Variants in TRIM77 observed in about 807,000 individuals in gnomAD.
TRIM77 encodes tripartite motif-containing protein 77.
TRIM77 carries 23 observed loss-of-function variants against 31.8 expected under a neutral mutation model. That is an observed-to-expected ratio of 0.72 (90% CI 0.52 to 1.02). The LOEUF (loss-of-function observed/expected upper bound fraction) is 1.02, where lower values mean the gene tolerates loss of function less well. Ranked by LOEUF, TRIM77 falls within the 50% of genes least tolerant of loss-of-function variation. The pLI, the probability that TRIM77 is intolerant of heterozygous loss-of-function variation, is 0.00. For missense variants in TRIM77, 446 were observed against 539.2 expected, an observed-to-expected ratio of 0.83 and a Z score of 1.71; for synonymous variants, 159 against 183.1, an observed-to-expected ratio of 0.87 and a Z score of 1.06.
In TRIM77 at chr11:89,714,314, G is replaced by T; in HGVS notation, c.630G>T (p.Gln210His). The change falls in exon 3 of 6, where the codon CAG (glutamine) becomes CAT (histidine). Residue 210 changes from glutamine to histidine, a missense_variant. This residue lies in a region of TRIM77 where 366 missense variants were observed against 447.9 expected (regional missense o/e 0.82). Coordinates refer to ENST00000398290, the MANE Select transcript of TRIM77 (RefSeq NM_001146162.1). ...SLAREGRIIF[Q>H]QLKRSQTRMA... ...CAAGAGAAGGCAGGATAATTTTTCA[G>T]CAACTCAAGAGAAGTCAAACTAGAA... 6.4e-7 allele frequency: 1 copy of T among 1,551,690 alleles called. No homozygotes were observed. Among genetic ancestry groups the T allele is most frequent in the Non-Finnish European group, 8.7e-7 (1 of 1,146,978 alleles).
chr11:89,717,111 C>T (rs930867989), intron 5 of TRIM77, among the ~76,000 whole-genome samples: 10 of 152,152 alleles, frequency 6.6e-5, no homozygotes, highest in Admixed American at 2.6e-4. Flanking sequence ...GTATGCCACT[C>T]GTGATAGAGT....
intron 4 of TRIM77, among the ~76,000 whole-genome samples, chr11:89,715,617 T>G (rs1447234043): frequency 6.6e-6 from 1 of 152,144 alleles, no homozygotes; most frequent in Non-Finnish European, 1.5e-5. Flanking sequence ...ATTTCAGAAA[T>G]TAAATGAGTA....
At chr11:89,717,000 A>G (rs10830357) in intron 5 of TRIM77, among the ~76,000 whole-genome samples, 45,712 of 151,628 alleles carry the variant, frequency 0.3, 7,484 homozygotes, top group Middle Eastern at 0.4. Context: ...GTTTTCTCTA[A>G]ATTTTCTTTC....
Position 89,710,406 on chromosome 11 carries a change from T to C in TRIM77, c.108T>C (p.Ser36=), listed in dbSNP as rs1313178660. Residue 36 remains serine (S), a synonymous_variant, in exon 1 of 6, where the codon AGT becomes AGC. Coordinates refer to ENST00000398290, the MANE Select transcript of TRIM77 (RefSeq NM_001146162.1). ...VTICCGHRFC[S]PCLCLLWEDT... is the part of the protein sequence containing the mutation. The stretch of plus-strand genomic sequence containing the variant: ...TTTGTTGTGGGCACAGATTTTGTAG[T>C]CCCTGTCTCTGCCTCTTGTGGGAAG... 9 of 1,551,938 alleles carry C rather than the reference T, an allele frequency of 5.8e-6. No individual in the cohort carries two copies. In the South Asian group the frequency reaches 1.1e-4, roughly 18 times the overall value.
chr11:89,716,450 A>G (rs1474460160), intron 5 of TRIM77, among the ~76,000 whole-genome samples: 1 of 152,208 alleles, frequency 6.6e-6, no homozygotes, highest in East Asian at 1.9e-4. Flanking sequence ...CAAAAGCAGA[A>G]AAACAAGTTT....
intron 5 of TRIM77, among the ~76,000 whole-genome samples, chr11:89,716,744 T>A (rs1439971857): frequency 6.6e-6 from 1 of 152,198 alleles, no homozygotes; most frequent in Non-Finnish European, 1.5e-5. Flanking sequence ...AGATCAAGTG[T>A]GAAGCCCTCC....
intron 1 of TRIM77, 35 bp downstream of exon 1, chr11:89,710,744 G>C: frequency 6.9e-7 from 1 of 1,440,616 alleles, no homozygotes; most frequent in Non-Finnish European, 9.3e-7. Flanking sequence ...TTTGAAATGT[G>C]AAGAACCCTG....
chr11:89,717,776 C>T lies in TRIM77; in HGVS notation c.1257C>T (p.Ser419=), dbSNP rs1949173072. 7.7e-6 allele frequency: 12 copies of T among 1,551,090 alleles called. No individual in the cohort carries two copies. The highest frequency in any genetic ancestry group is 8.7e-6 in the Non-Finnish European group (10 of 1,146,706). ...TGGATTATGAATGTGGGATAGTGAG[C>T]TTTGTTAATGTTGCCCAAAGTTCCC... ...VFLDYECGIV[S]FVNVAQSSLI... Residue 419 remains serine (S), a synonymous_variant, in exon 6 of 6, where the codon AGC becomes AGT. Transcript: ENST00000398290.
chr11:89,716,769 T>C (rs992899841), intron 5 of TRIM77, among the ~76,000 whole-genome samples: 1 of 152,158 alleles, frequency 6.6e-6, no homozygotes, highest in Non-Finnish European at 1.5e-5. Flanking sequence ...TTAGGCAAAG[T>C]GGTATTGTTT....
chr11:89,713,132 C>A (rs1949133796), intron 2 of TRIM77, among the ~76,000 whole-genome samples: 1 of 151,694 alleles, frequency 6.6e-6, no homozygotes, highest in African/African-American at 2.4e-5. Context: ...ATTAGCTGGG[C>A]ATGGTGGTGT....
rs1302881398 is a variant in TRIM77 at position 89,710,302 on chromosome 11, G to A, written c.4G>A (p.Ala2Thr). 6 of 1,513,878 alleles carry A rather than the reference G, an allele frequency of 4.0e-6. No homozygotes were observed. The highest frequency in any genetic ancestry group is 3.6e-6 in the Non-Finnish European group (4 of 1,120,052). 93.8% of individuals were successfully genotyped at this position (1,513,878 alleles called of 1,614,324 possible). A position where few individuals can be genotyped will look rare whatever the true frequency, so the allele number is the denominator to read the frequency against. Residue 2 changes from alanine to threonine, a missense_variant, in exon 1 of 6, where the codon GCT becomes ACT. Ala to Thr is a moderately conservative substitution (Grantham distance 58). Around this residue, in one of 3 missense-constraint regions of TRIM77, gnomAD observed 72 missense variants for 64.7 expected, o/e 1.11. Transcript: ENST00000398290. M[A>T]SAITQCSTSE... ...TTCCTTTTATTTCCTCAGAAACATG[G>A]CTTCTGCTATCACGCAGTGTTCTAC...
intron 2 of TRIM77, among the ~76,000 whole-genome samples, chr11:89,712,949 AG>A (rs1332111009): frequency 1.3e-5 from 2 of 152,088 alleles, no homozygotes; most frequent in Non-Finnish European, 2.9e-5. Flanking sequence ...ACGTATTTAA[AG>A]GTGGTATGGA....
chr11:89,717,508 C>T lies in TRIM77; in HGVS notation c.989C>T (p.Ser330Leu). ...CCAACAAGTACACAGTATACTTCTTCATGGGGAGCTCAGATCCTCAGCTCT... is the reference window on the plus strand; with the variant it reads ...CCAACAAGTACACAGTATACTTCTTTATGGGGAGCTCAGATCCTCAGCTCT... ...CNPTSTQYTSSWGAQILSSGK... is the reference protein window; with the variant it reads ...CNPTSTQYTSLWGAQILSSGK... Residue 330 changes from serine to leucine, a missense_variant, in exon 6 of 6, where the codon TCA (serine) becomes TTA (leucine). Coordinates refer to ENST00000398290, the MANE Select transcript of TRIM77 (RefSeq NM_001146162.1). The T allele has an allele frequency of 6.4e-7, 1 of 1,551,584 alleles. No individual in the cohort carries two copies. Among genetic ancestry groups the T allele is most frequent in the Non-Finnish European group, 8.7e-7 (1 of 1,146,930 alleles).
rs183075288 is a variant in TRIM77 at position 89,710,545 on chromosome 11, T to G, written c.247T>G (p.Cys83Gly). Residue 83 changes from cysteine (C) to glycine (G), a missense_variant, in exon 1 of 6, where the codon TGC (cysteine) becomes GGC (glycine). Cys to Gly is a radical substitution (Grantham distance 159). Transcript: ENST00000398290. Reference sequence around the variant, plus strand: ...TATTCCTACAAGAGAATCAGTCCCCTGCCAGTTATCAAGCTCTGCCATGCT... The same window carrying G: ...TATTCCTACAAGAGAATCAGTCCCCGGCCAGTTATCAAGCTCTGCCATGCT... ...QVIPTRESVP[C>G]QLSSSAMLIC... The G allele has an allele frequency of 6.4e-6, 10 of 1,551,744 alleles. No individual in the cohort carries two copies. In the East Asian group the frequency reaches 2.2e-4, roughly 34 times the overall value.
At position 89,715,145 on chromosome 11, in the gene TRIM77, T is replaced by C. The variant is rs973431611; in HGVS notation, c.739-13T>C. On this transcript the variant is annotated splice_polypyrimidine_tract_variant and intron_variant, in intron 3 of 5. Coordinates refer to ENST00000398290, the MANE Select transcript of TRIM77 (RefSeq NM_001146162.1). The stretch of plus-strand genomic sequence containing the variant: ...TTGTGCTGCAAACTAAGCAATCCTC[T>C]CTCTCTTTATAGGATTTGGGAGACG... The C allele has an allele frequency of 1.3e-6, 2 of 1,551,174 alleles. No homozygotes were observed. Among genetic ancestry groups the C allele is most frequent in the African/African-American group, 1.4e-5 (1 of 73,050 alleles).
chr11:89,710,879 T>G (rs1949117781), intron 1 of TRIM77, among the ~76,000 whole-genome samples, 170 bp downstream of exon 1: 1 of 152,196 alleles, frequency 6.6e-6, no homozygotes, highest in Admixed American at 6.5e-5. Context: ...GATAAAGCAC[T>G]GAAGAAACCA....
rs200943623 is a variant in TRIM77, at chr11:89,716,227, T to TA, written c.859+249dup. ...GCGTAACATGATTATTTTAAGTGATTAAAAAAAAACACTCAAAAAAGACCT... is the reference window on the plus strand; with the variant it reads ...GCGTAACATGATTATTTTAAGTGATTAAAAAAAAAACACTCAAAAAAGACCT... On this transcript the variant is annotated intron_variant, in intron 5 of 5. Coordinates refer to ENST00000398290, the MANE Select transcript of TRIM77 (RefSeq NM_001146162.1). Among the ~76,000 whole-genome samples, 1,315 of 150,790 alleles carry TA rather than the reference T, an allele frequency of 8.7e-3. 14 individuals carry two copies. Among genetic ancestry groups the TA allele is most frequent in the African/African-American group, 0.027 (1,101 of 41,098 alleles).
Position 89,717,763 on chromosome 11 carries a change from G to A in TRIM77, c.1244G>A (p.Cys415Tyr). Residue 415 changes from cysteine to tyrosine, a missense_variant, in exon 6 of 6, where the codon TGT becomes TAT. Around this residue, in one of 3 missense-constraint regions of TRIM77, gnomAD observed 366 missense variants for 447.9 expected, o/e 0.82. Coordinates refer to ENST00000398290, the MANE Select transcript of TRIM77 (RefSeq NM_001146162.1). ...GWLGVFLDYE[C>Y]GIVSFVNVAQ... ...CTAGGGGTGTTCCTGGATTATGAAT[G>A]TGGGATAGTGAGCTTTGTTAATGTT... 6.4e-7 allele frequency: 1 copy of A among 1,551,270 alleles called. No homozygotes were observed. Among genetic ancestry groups the A allele is most frequent in the South Asian group, 1.2e-5 (1 of 84,040 alleles).
chr11:89,715,758 A>G (rs1387956873), intron 4 of TRIM77, 132 bp from the exon 5 acceptor site: 4 of 578,268 alleles, frequency 6.9e-6, no homozygotes, highest in Admixed American at 3.0e-5. Context: ...TACAATTGCA[A>G]TATTTCTTAG....
Sources: allele counts gnomAD v4.1 joint callset (sites outside exome capture counted in the v4.1 genomes callset), GRCh38; gene constraint gnomAD v4.1.1; regional missense constraint gnomAD v4.1.1; transcripts MANE v1.5; gene names NCBI Gene and HGNC (gene_info 2026-07-23, HGNC 2026-07-21).